The following MYH10 variants were observed in gnomAD, a reference collection of about 807,000 sequenced individuals.
MYH10 encodes the protein myosin heavy chain 10, also known as myosin-10.
A neutral mutation model predicts 257.8 loss-of-function variants in MYH10; 55 were observed. That is an observed-to-expected ratio of 0.21 (90% CI 0.17 to 0.27). The LOEUF is 0.27. Among genes scored for constraint, MYH10 ranks in the 10% least tolerant of loss-of-function variants. The pLI is 1.00. For synonymous variants in MYH10, 854 were observed against 921.7 expected (o/e 0.93, Z 1.33); for missense variants, 1,631 against 2,500.6 (o/e 0.65, Z 7.42).
intron 36 of MYH10, among the ~76,000 whole-genome samples, chr17:8,485,755 G>A (rs1914655332): frequency 6.6e-6 from 1 of 152,176 alleles, no homozygotes; most frequent in Non-Finnish European, 1.5e-5. Flanking sequence ...CAGTGACTGT[G>A]GGAAACAGTT....
intron 1 of MYH10, among the ~76,000 whole-genome samples, chr17:8,627,148 T>TA (rs397716312): frequency 1.3e-5 from 2 of 151,916 alleles, no homozygotes; most frequent in African/African-American, 2.4e-5. Flanking sequence ...ATTTTTTTTT[T>TA]AAACGGAACA....
chr17:8,584,691 A>G (rs749062206), intron 4 of MYH10, among the ~76,000 whole-genome samples: 10 of 152,174 alleles, frequency 6.6e-5, no homozygotes, highest in African/African-American at 1.2e-4. Context: ...TTTCCGTCCA[A>G]TGCCTCTCTG....
intron 13 of MYH10, among the ~76,000 whole-genome samples, chr17:8,544,035 G>A (rs2151948193): frequency 6.6e-6 from 1 of 152,122 alleles, no homozygotes; most frequent in South Asian, 2.1e-4. Flanking sequence ...ACTTAACAAT[G>A]TATCTTGTTA....
chr17:8,522,611 C>T (rs73248038), intron 17 of MYH10, among the ~76,000 whole-genome samples: 7,929 of 152,236 alleles, frequency 0.052, 680 homozygotes, highest in African/African-American at 0.18. Context: ...GCGGCACAAA[C>T]CCACTTCTGC....
chr17:8,496,884 C>G (rs1567798447), intron 30 of MYH10, among the ~76,000 whole-genome samples: 2 of 152,162 alleles, frequency 1.3e-5, no homozygotes, highest in Admixed American at 6.5e-5. Context: ...TGTTGAACAC[C>G]TACGTTTCTT....
At chr17:8,608,762 T>C (rs974302882) in intron 2 of MYH10, among the ~76,000 whole-genome samples, 33 of 152,336 alleles carry the variant, frequency 2.2e-4, no homozygotes, top group Non-Finnish European at 3.5e-4. Flanking sequence ...CCACCTATGC[T>C]GACCACTCTG....
intron 1 of MYH10, among the ~76,000 whole-genome samples, chr17:8,624,032 C>G (rs1452850756): frequency 1.3e-5 from 2 of 152,216 alleles, no homozygotes; most frequent in Non-Finnish European, 2.9e-5. Context: ...CTTGTCTTCC[C>G]TCTAAAGTGT....
intron 3 of MYH10, among the ~76,000 whole-genome samples, chr17:8,594,239 CT>C (rs1323113103): frequency 1.3e-5 from 2 of 152,114 alleles, no homozygotes; most frequent in African/African-American, 4.8e-5. Flanking sequence ...GGACAAAGAA[CT>C]CTCAAAATTG....
chr17:8,608,847 T>C (rs1263233528), intron 2 of MYH10, among the ~76,000 whole-genome samples: 1 of 151,376 alleles, frequency 6.6e-6, no homozygotes, highest in Non-Finnish European at 1.5e-5. Context: ...AGTCTCGCTC[T>C]GTCGCCAGGC....
At chr17:8,523,947 T>TTA (rs971350568) in intron 17 of MYH10, among the ~76,000 whole-genome samples, 2 of 152,086 alleles carry the variant, frequency 1.3e-5, no homozygotes, top group Non-Finnish European at 2.9e-5. Context: ...AAACTCTAAG[T>TTA]AAGTCTGGGA....
intron 1 of MYH10, among the ~76,000 whole-genome samples, chr17:8,626,608 TAAGTAA>T (rs2085691364): frequency 7.2e-6 from 1 of 138,854 alleles, no homozygotes. Flanking sequence ...ATAATAATAA[TAAGTAA>T]AATAAAAAAT....
chr17:8,598,334 G>A (rs2084464063), intron 3 of MYH10, among the ~76,000 whole-genome samples: 2 of 152,130 alleles, frequency 1.3e-5, no homozygotes, highest in African/African-American at 2.4e-5. Flanking sequence ...TGGTAGTTCT[G>A]TCTTCTTGAT....
intron 24 of MYH10, among the ~76,000 whole-genome samples, chr17:8,511,496 G>A (rs1392688713): frequency 5.9e-5 from 9 of 152,078 alleles, no homozygotes; most frequent in Non-Finnish European, 1.2e-4. Flanking sequence ...CTCCAGCCTG[G>A]GCAACAAAGC....
intron 3 of MYH10, among the ~76,000 whole-genome samples, chr17:8,591,923 T>A (rs1403705349): frequency 6.6e-6 from 1 of 152,198 alleles, no homozygotes; most frequent in Non-Finnish European, 1.5e-5. Flanking sequence ...AACTCTGTGA[T>A]CAACTCCCCA....
At chr17:8,561,029 C>A (rs2082974954) in intron 7 of MYH10, 2 of 561,002 alleles carry the variant, frequency 3.6e-6, no homozygotes, top group Non-Finnish European at 6.3e-6. Flanking sequence ...GAGAGCATCC[C>A]TCCATCCCAC....
chr17:8,597,086 A>G lies in MYH10; in HGVS notation c.502+7740T>C, dbSNP rs543177621. ...GAGGATGTGTAGTTCAAATTGATGT[A>G]GGTGATTGCAAAACTACCCTAGTCC... On this transcript the variant is annotated intron_variant, in intron 3 of 42. Transcript: ENST00000360416. Among the ~76,000 whole-genome samples, 20 of 152,318 alleles carry G rather than the reference A, an allele frequency of 1.3e-4. 1 individual carries two copies. In the South Asian group the frequency reaches 4.1e-3, roughly 32 times the overall value.
At chr17:8,483,688 CAAGA>C (rs1405504339) in intron 37 of MYH10, among the ~76,000 whole-genome samples, 2 of 152,208 alleles carry the variant, frequency 1.3e-5, no homozygotes, top group Admixed American at 6.5e-5. Context: ...TGAGAACTTA[CAAGA>C]AAGATAAATG....
chr17:8,586,516 T>C (rs1246600752), intron 4 of MYH10, among the ~76,000 whole-genome samples: 2 of 152,108 alleles, frequency 1.3e-5, no homozygotes, highest in African/African-American at 4.8e-5. Context: ...TGTCTGAAAA[T>C]ATTCATAATA....
chr17:8,512,782 G>T, intron 23 of MYH10, 125 bp from the exon 24 acceptor site: 2 of 720,504 alleles, frequency 2.8e-6, no homozygotes, highest in South Asian at 2.5e-5. Flanking sequence ...TAACATCACG[G>T]GAAGAACTTT....
Sources: gnomAD v4.1 joint callset for allele counts (sites outside exome capture counted in the v4.1 genomes callset) on GRCh38, gnomAD v4.1.1 for gene constraint, MANE v1.5 for transcripts, NCBI Gene and HGNC (gene_info 2026-07-23, HGNC 2026-07-21) for gene names.